Variants in GRM8 observed in about 807,000 individuals in gnomAD.
GRM8 encodes metabotropic glutamate receptor 8.
A neutral mutation model predicts 87.2 loss-of-function variants in GRM8; 47 were observed. That is an observed-to-expected ratio of 0.54 (90% CI 0.43 to 0.69). GRM8 has a LOEUF of 0.69. GRM8 is among the 30% of genes least tolerant of loss of function. The pLI is 0.00. For missense variants in GRM8, 1,019 were observed against 1,139.2 expected (o/e 0.89, Z 1.52); for synonymous variants, 396 against 404.5 (o/e 0.98, Z 0.25).
intron 2 of GRM8, among the ~76,000 whole-genome samples, chr7:127,134,735 T>C (rs376535073): frequency 2.9e-4 from 44 of 152,188 alleles, no homozygotes; most frequent in African/African-American, 8.2e-4. Context: ...TTTTCTTATA[T>C]ACAAAAAAAG....
chr7:126,516,831 T>C (rs191323719), intron 9 of GRM8, among the ~76,000 whole-genome samples: 114 of 152,236 alleles, frequency 7.5e-4, no homozygotes, highest in East Asian at 6.4e-3. Context: ...TCAACTATGG[T>C]TGTTTTGCTC....
chr7:127,088,999 T>G (rs747808143), intron 3 of GRM8, among the ~76,000 whole-genome samples: 1 of 152,220 alleles, frequency 6.6e-6, no homozygotes, highest in Non-Finnish European at 1.5e-5. Flanking sequence ...AGGTGCTGTA[T>G]TGGGTTGAAC....
intron 3 of GRM8, among the ~76,000 whole-genome samples, chr7:126,966,869 T>C (rs1809923651): frequency 6.6e-6 from 1 of 152,204 alleles, no homozygotes; most frequent in Middle Eastern, 3.2e-3. Flanking sequence ...TGGTCTGCTC[T>C]GATGGACAAA....
chr7:127,138,708 C>A (rs1254377701), intron 2 of GRM8, among the ~76,000 whole-genome samples: 1 of 151,994 alleles, frequency 6.6e-6, no homozygotes. Context: ...TATGCCAAGG[C>A]AACTTAAGGA....
chr7:127,023,622 T>A (rs1005619906), intron 3 of GRM8, among the ~76,000 whole-genome samples: 5 of 152,110 alleles, frequency 3.3e-5, no homozygotes, highest in African/African-American at 1.2e-4. Context: ...ACTATTAATT[T>A]TACATTTCAA....
chr7:126,861,017 G>A (rs1166042551), intron 6 of GRM8, among the ~76,000 whole-genome samples: 1 of 152,088 alleles, frequency 6.6e-6, no homozygotes, highest in African/African-American at 2.4e-5. Context: ...TTTCATGGGT[G>A]AATTTTCCTC....
intron 7 of GRM8, among the ~76,000 whole-genome samples, chr7:126,730,228 C>T (rs180825283): frequency 1.8e-4 from 27 of 152,166 alleles, no homozygotes; most frequent in Admixed American, 5.9e-4. Flanking sequence ...ACTAGCAATG[C>T]ACTGATTTAG....
chr7:127,231,322 A>T (rs184830819), intron 2 of GRM8, among the ~76,000 whole-genome samples: 125 of 152,322 alleles, frequency 8.2e-4, no homozygotes, highest in African/African-American at 2.9e-3. Context: ...TCACAATGCT[A>T]GGATAGGACT....
intron 7 of GRM8, among the ~76,000 whole-genome samples, chr7:126,698,159 G>T (rs1809575023): frequency 6.6e-6 from 1 of 152,102 alleles, no homozygotes; most frequent in South Asian, 2.1e-4. Context: ...GAGTCTCTGA[G>T]GCTGCCGCTT....
At chr7:126,903,626 T>TGTATATGTGTATATATATAG (rs1168728441) in intron 5 of GRM8, among the ~76,000 whole-genome samples, 6 of 105,988 alleles carry the variant, frequency 5.7e-5, no homozygotes, top group African/African-American at 1.8e-4. Context: ...CATATATATA[T>TGTATATGTGTATATATATAG]GTATATGTGT....
intron 2 of GRM8, among the ~76,000 whole-genome samples, chr7:127,150,084 T>C (rs1280291522): frequency 6.6e-6 from 1 of 152,114 alleles, no homozygotes; most frequent in Admixed American, 6.6e-5. Flanking sequence ...TGCTTCACTA[T>C]AGTAACCTTT....
intron 7 of GRM8, among the ~76,000 whole-genome samples, chr7:126,668,903 T>C (rs1387175902): frequency 2.0e-5 from 3 of 152,118 alleles, no homozygotes; most frequent in African/African-American, 7.2e-5. Flanking sequence ...TTTGGGTTGG[T>C]TCCAAGACTT....
intron 9 of GRM8, among the ~76,000 whole-genome samples, chr7:126,491,185 C>G (rs1807968317): frequency 6.6e-6 from 1 of 152,022 alleles, no homozygotes; most frequent in Non-Finnish European, 1.5e-5. Context: ...AAGCACTGTT[C>G]TACAACCGTT....
At chr7:126,718,354 G>C (rs1163635589) in intron 7 of GRM8, among the ~76,000 whole-genome samples, 1 of 152,166 alleles carries the variant, frequency 6.6e-6, no homozygotes, top group African/African-American at 2.4e-5. Context: ...GTGACCAAGA[G>C]TGTTTATACC....
At position 127,113,439 on chromosome 7, in the gene GRM8, A is replaced by C. The variant is rs1393667117; in HGVS notation, c.511-6727T>G. On this transcript the variant is annotated intron_variant, in intron 2 of 10. Coordinates refer to ENST00000339582, the MANE Select transcript of GRM8 (RefSeq NM_000845.3). ...CAGAAGACAATTTAAGACCTGAATCACGTATATTTTCACCATGAAAAAGGG... is the reference window on the plus strand; with the variant it reads ...CAGAAGACAATTTAAGACCTGAATCCCGTATATTTTCACCATGAAAAAGGG... Among the ~76,000 whole-genome samples, 7 of 152,140 alleles carry C rather than the reference A, an allele frequency of 4.6e-5. 1 individual carries two copies. Among genetic ancestry groups the C allele is most frequent in the Non-Finnish European group, 1.0e-4 (7 of 68,018 alleles).
chr7:126,518,327 A>G (rs148163558), intron 9 of GRM8, among the ~76,000 whole-genome samples: 104 of 152,236 alleles, frequency 6.8e-4, no homozygotes, highest in African/African-American at 2.5e-3. Flanking sequence ...ATGACAAACA[A>G]GAAGTAATGA....
intron 7 of GRM8, among the ~76,000 whole-genome samples, chr7:126,731,991 T>C (rs541251310): frequency 2.6e-5 from 4 of 152,176 alleles, no homozygotes; most frequent in African/African-American, 7.2e-5. Flanking sequence ...TCATTTGATA[T>C]TGGAAGAATT....
chr7:127,027,132 A>T (rs930405439), intron 3 of GRM8, among the ~76,000 whole-genome samples: 1 of 152,156 alleles, frequency 6.6e-6, no homozygotes, highest in African/African-American at 2.4e-5. Flanking sequence ...TTTGTCAAAG[A>T]TCAGATGGTT....
chr7:126,806,448 T>G (rs766447026), intron 6 of GRM8, among the ~76,000 whole-genome samples: 1 of 152,216 alleles, frequency 6.6e-6, no homozygotes, highest in African/African-American at 2.4e-5. Flanking sequence ...AGGACCCGAG[T>G]GCATTGTGGC....
Sources: allele counts gnomAD v4.1 joint callset (sites outside exome capture counted in the v4.1 genomes callset), GRCh38; gene constraint gnomAD v4.1.1; transcripts MANE v1.5; gene names NCBI Gene and HGNC (gene_info 2026-07-23, HGNC 2026-07-21).